RFWD3: variants seen among roughly 807,000 people sequenced by gnomAD.
RFWD3 encodes ring finger and WD repeat domain 3, also known as E3 ubiquitin-protein ligase RFWD3.
In RFWD3, 65 loss-of-function variants were observed where a neutral mutation model predicts 87.7. The observed-to-expected ratio is 0.74, with a 90% CI of 0.61 to 0.91. The LOEUF is 0.91. Among genes scored for constraint, RFWD3 ranks in the 40% least tolerant of loss-of-function variants. The probability of loss-of-function intolerance (pLI) is 0.00; values close to 1 mark genes in which losing one functional copy is unlikely to be tolerated. For synonymous variants in RFWD3, 433 were observed against 352.8 expected, an observed-to-expected ratio of 1.23 and a Z score of -2.55; for missense variants, 1,078 against 938.5, an observed-to-expected ratio of 1.15 and a Z score of -1.94.
At chr16:74,625,609 C>G (rs779201465) in intron 12 of RFWD3, among the ~76,000 whole-genome samples, 1 of 151,788 alleles carries the variant, frequency 6.6e-6, no homozygotes, top group East Asian at 1.9e-4. Flanking sequence ...GCCAGATCAG[C>G]TGTCTTATAG....
At chr16:74,648,148 T>G (rs1960299832) in intron 4 of RFWD3, among the ~76,000 whole-genome samples, 1 of 152,080 alleles carries the variant, frequency 6.6e-6, no homozygotes, top group Non-Finnish European at 1.5e-5. Context: ...TTATGTCTAT[T>G]TTTTCAACTG....
intron 4 of RFWD3, among the ~76,000 whole-genome samples, chr16:74,648,216 T>G: frequency 6.6e-6 from 1 of 152,042 alleles, no homozygotes; most frequent in East Asian, 2.0e-4. Context: ...TCCCTCCCCA[T>G]TTTTAAATCT....
chr16:74,660,367 C>T (rs746259338), intron 2 of RFWD3, among the ~76,000 whole-genome samples: 3 of 152,094 alleles, frequency 2.0e-5, no homozygotes, highest in Non-Finnish European at 2.9e-5. Flanking sequence ...GCAGGAGAAT[C>T]GCTTGAATCT....
At chr16:74,658,405 C>T (rs1027162942) in intron 2 of RFWD3, among the ~76,000 whole-genome samples, 3 of 152,208 alleles carry the variant, frequency 2.0e-5, no homozygotes, top group Non-Finnish European at 2.9e-5. Context: ...ACTTAGCTTT[C>T]CATAGCTTTG....
chr16:74,635,719 C>T (rs1198153792), intron 8 of RFWD3, among the ~76,000 whole-genome samples: 1 of 152,130 alleles, frequency 6.6e-6, no homozygotes, highest in Non-Finnish European at 1.5e-5. Flanking sequence ...TATAACCATG[C>T]TAAAGCAAAG....
rs1961386982 is a variant in RFWD3 at position 74,660,994 on chromosome 16, T to C, written c.456A>G (p.Arg152=). 1.2e-6 allele frequency: 2 copies of C among 1,613,976 alleles called. No homozygotes were observed. Among genetic ancestry groups the C allele is most frequent in the Admixed American group, 1.7e-5 (1 of 59,994 alleles). The change falls in exon 2 of 13, where the codon AGA becomes AGG. Residue 152 remains arginine (R), a synonymous_variant. Coordinates refer to ENST00000361070, the MANE Select transcript of RFWD3 (RefSeq NM_018124.4). The part of the protein sequence containing the change: ...SNHSVGPMRT[R]RRVSASRRAR... Reference sequence around the variant, plus strand: ...CCCTCCGTGAAGCAGATACCCTCCTTCTTGTTCTCATTGGCCCTACACTGT... The same window carrying C: ...CCCTCCGTGAAGCAGATACCCTCCTCCTTGTTCTCATTGGCCCTACACTGT...
Position 74,621,791 on chromosome 16 carries a change from T to C in RFWD3, c.*2137A>G, listed in dbSNP as rs1164865760. The C allele has an allele frequency of 6.6e-6, 1 of 150,660 alleles. No individual in the cohort carries two copies. Among genetic ancestry groups the C allele is most frequent in the Admixed American group, 6.7e-5 (1 of 15,024 alleles). The allele number at this position is 150,660 out of a possible 1,614,324, so 9.3% of individuals were successfully genotyped here. A position where few individuals can be genotyped will look rare whatever the true frequency, so the allele number is the denominator to read the frequency against. On this transcript the variant is annotated 3_prime_UTR_variant, in exon 13 of 13. Coordinates refer to ENST00000361070, the MANE Select transcript of RFWD3 (RefSeq NM_018124.4). Reference sequence around the variant, plus strand: ...TCACTGCAACCTCTGCCTCCCAGGGTTCAAGCAATTCTCCTGCCTCAGCCT... The same window carrying C: ...TCACTGCAACCTCTGCCTCCCAGGGCTCAAGCAATTCTCCTGCCTCAGCCT...
Position 74,628,657 on chromosome 16 carries a change from C to G in RFWD3, c.1764G>C (p.Leu588=). 6.2e-7 allele frequency: 1 copy of G among 1,614,100 alleles called. No homozygotes were observed. The highest frequency in any genetic ancestry group is 8.5e-7 in the Non-Finnish European group (1 of 1,180,018). Reference sequence around the variant, plus strand: ...CTCTGGGCATGTATGACAGGGAGACCAGTGGGCATCTGAAAGGAAAGTAAG... The same window carrying G: ...CTCTGGGCATGTATGACAGGGAGACGAGTGGGCATCTGAAAGGAAAGTAAG... The part of the protein sequence containing the change: ...ELVAQKARCP[L]VSLSYMPRAA... The change falls in exon 11 of 13, where the codon CTG becomes CTC. Residue 588 remains leucine (L), a synonymous_variant. Transcript: ENST00000361070.
At chr16:74,666,323 G>A (rs1233348916) in intron 1 of RFWD3, 1 of 152,180 alleles carries the variant, frequency 6.6e-6, no homozygotes, top group African/African-American at 2.4e-5. Context: ...CTGTAAAACA[G>A]GGATAATACA....
At position 74,657,478 on chromosome 16, in the gene RFWD3, C is replaced by CTTTTT. The variant is rs386385075; in HGVS notation, c.518+3449_518+3453dup. Among the ~76,000 whole-genome samples, 4 of 122,712 alleles carry CTTTTT rather than the reference C, an allele frequency of 3.3e-5. 1 individual carries two copies. The highest frequency in any genetic ancestry group is 2.5e-4 in the South Asian group (1 of 3,968). The allele number at this position is 122,712 out of a possible 152,430, so 80.5% of individuals were successfully genotyped here. A position where few individuals can be genotyped will look rare whatever the true frequency, so the allele number is the denominator to read the frequency against. The stretch of plus-strand genomic sequence containing the variant: ...CTGACATCACCCAGGTTTTCTTTTT[C>CTTTTT]TTTTTTTTTTTTTTTGAGACGGAGT... On this transcript the variant is annotated intron_variant, in intron 2 of 12. Transcript: ENST00000361070.
At chr16:74,632,756 G>A (rs576325804) in intron 8 of RFWD3, 83 bp from the exon 9 acceptor site, 19 of 1,295,046 alleles carry the variant, frequency 1.5e-5, no homozygotes, top group Admixed American at 6.1e-5. Flanking sequence ...TAGCTCCTTC[G>A]TCCACCTTTC....
At chr16:74,634,807 GAAAAAAA>G (rs200124008) in intron 8 of RFWD3, among the ~76,000 whole-genome samples, 2 of 144,188 alleles carry the variant, frequency 1.4e-5, no homozygotes, top group Admixed American at 6.9e-5. Context: ...AGCCAGAGAG[GAAAAAAA>G]AAGGGGGGAA....
chr16:74,641,617 A>G (rs1318576034), intron 6 of RFWD3, among the ~76,000 whole-genome samples: 1 of 152,090 alleles, frequency 6.6e-6, no homozygotes. Context: ...CTAACATAAC[A>G]TTTGCATACA....
intron 6 of RFWD3, among the ~76,000 whole-genome samples, chr16:74,640,030 T>C (rs903725948): frequency 6.6e-6 from 1 of 152,196 alleles, no homozygotes; most frequent in African/African-American, 2.4e-5. Context: ...ATCCTTTAGG[T>C]TTGTATGTAT....
Position 74,636,349 on chromosome 16 carries a change from G to A in RFWD3, c.1423C>T (p.Pro475Ser), listed in dbSNP as rs1959196882. Reference protein sequence around the residue: ...SQPSPQASFLPGFGVKMLSTA... With the variant: ...SQPSPQASFLSGFGVKMLSTA... Reference sequence around the variant, plus strand: ...GCTGAGGTTCTAGACTCTTTACCTGGAAGAAAAGAGGCCTGAGGAGAAGGC... The same window carrying A: ...GCTGAGGTTCTAGACTCTTTACCTGAAAGAAAAGAGGCCTGAGGAGAAGGC... The change falls in exon 8 of 13, where the codon CCA becomes TCA. Residue 475 changes from proline to serine, a missense_variant. Pro to Ser is a moderately conservative substitution (Grantham distance 74). Transcript: ENST00000361070. The A allele has an allele frequency of 1.2e-6, 2 of 1,612,238 alleles. No individual in the cohort carries two copies. Among genetic ancestry groups the A allele is most frequent in the Non-Finnish European group, 1.7e-6 (2 of 1,178,318 alleles).
chr16:74,649,010 A>T, intron 4 of RFWD3, 122 bp downstream of exon 4: 1 of 508,908 alleles, frequency 2.0e-6, no homozygotes, highest in South Asian at 2.5e-5. Context: ...TGAGCCCAGG[A>T]GTTTGAAACT....
At chr16:74,656,578 C>G (rs960940816) in intron 2 of RFWD3, among the ~76,000 whole-genome samples, 8 of 151,924 alleles carry the variant, frequency 5.3e-5, no homozygotes, top group African/African-American at 1.9e-4. Flanking sequence ...TCACCCCAAC[C>G]TCCTAAGTAG....
intron 4 of RFWD3, among the ~76,000 whole-genome samples, chr16:74,647,684 C>T (rs1960259617): frequency 6.6e-6 from 1 of 152,170 alleles, no homozygotes; most frequent in South Asian, 2.1e-4. Flanking sequence ...TTCTGCCTCC[C>T]AGGTTCAAGC....
chr16:74,654,638 A>G (rs891485700), intron 2 of RFWD3, among the ~76,000 whole-genome samples: 2 of 152,180 alleles, frequency 1.3e-5, no homozygotes, highest in Non-Finnish European at 2.9e-5. Flanking sequence ...TCACTAAGCT[A>G]AAGTGATTAA....
Sources: gnomAD v4.1 joint callset for allele counts (sites outside exome capture counted in the v4.1 genomes callset) on GRCh38, gnomAD v4.1.1 for gene constraint, MANE v1.5 for transcripts, NCBI Gene and HGNC (gene_info 2026-07-23, HGNC 2026-07-21) for gene names.